CD28: variants seen among roughly 807,000 people sequenced by gnomAD.
CD28 encodes the protein CD28 molecule.
In CD28, 8 loss-of-function variants were observed where a neutral mutation model predicts 21.4. The ratio of observed to expected loss-of-function variants is 0.37; its 90% CI spans 0.22 to 0.68. CD28 has a LOEUF of 0.68. CD28 is among the 30% of genes least tolerant of loss of function. The pLI, the probability that CD28 is intolerant of heterozygous loss-of-function variation, is 0.55. For synonymous variants in CD28, 106 were observed against 104.0 expected, an observed-to-expected ratio of 1.02 and a Z score of -0.12; for missense variants, 239 against 272.2, an observed-to-expected ratio of 0.88 and a Z score of 0.86.
At chr2:203,706,861 T>A in intron 1 of CD28, 113 bp downstream of exon 1, 1 of 804,866 alleles carries the variant, frequency 1.2e-6, no homozygotes, top group Middle Eastern at 2.4e-4. Flanking sequence ...GAAGTGTAGT[T>A]TTGCTGTAAT....
rs756451764 is a variant in CD28, at chr2:203,726,843, G to C, written c.263G>C (p.Gly88Ala). The stretch of plus-strand genomic sequence containing the variant: ...TCAAAAACGGGGTTCAACTGTGATG[G>C]GAAATTGGGCAATGAATCAGTGACA... ...VYSKTGFNCDGKLGNESVTFY... is the reference protein window; with the variant it reads ...VYSKTGFNCDAKLGNESVTFY... The change falls in exon 2 of 4, where the codon GGG (glycine) becomes GCG (alanine). Residue 88 changes from glycine (G) to alanine (A), a missense_variant. Gly to Ala is a moderately conservative substitution (Grantham distance 60, BLOSUM62 0). Coordinates refer to ENST00000324106, the MANE Select transcript of CD28 (RefSeq NM_006139.4). 1.9e-5 allele frequency: 31 copies of C among 1,614,120 alleles called. No homozygotes were observed. The highest frequency in any genetic ancestry group is 1.8e-4 in the Admixed American group (11 of 60,014).
intron 1 of CD28, among the ~76,000 whole-genome samples, chr2:203,723,708 C>T (rs1032749216): frequency 2.0e-5 from 3 of 152,100 alleles, no homozygotes; most frequent in Admixed American, 6.6e-5. Context: ...TTCACGTCCA[C>T]CAGGATGGCT....
chr2:203,736,701 C>T lies in CD28; in HGVS notation c.*1789C>T, dbSNP rs202236030. 2.6e-5 allele frequency: 4 copies of T among 152,272 alleles called. No individual in the cohort carries two copies. The South Asian group carries it at 8.3e-4, about 32-fold the overall frequency. The allele number at this position is 152,272 out of a possible 1,614,324, so 9.4% of individuals were successfully genotyped here. A position where few individuals can be genotyped will look rare whatever the true frequency, so the allele number is the denominator to read the frequency against. Reference sequence around the variant, plus strand: ...TGAAGGAGCTTAGGTTTTAGAGGCACGTAGACTTGGTTCAAGTCTCGTTAG... The same window carrying T: ...TGAAGGAGCTTAGGTTTTAGAGGCATGTAGACTTGGTTCAAGTCTCGTTAG... On this transcript the variant is annotated 3_prime_UTR_variant, in exon 4 of 4. Transcript: ENST00000324106.
At position 203,737,942 on chromosome 2, in the gene CD28, T is replaced by C. The variant is rs1694080665; in HGVS notation, c.*3030T>C. The C allele has an allele frequency of 6.6e-6, 1 of 152,464 alleles. No homozygotes were observed. Among genetic ancestry groups the C allele is most frequent in the African/African-American group, 2.4e-5 (1 of 41,592 alleles). 9.4% of individuals were successfully genotyped at this position (152,464 alleles called of 1,614,324 possible). A position where few individuals can be genotyped will look rare whatever the true frequency, so the allele number is the denominator to read the frequency against. On this transcript the variant is annotated 3_prime_UTR_variant, in exon 4 of 4. Coordinates refer to ENST00000324106, the MANE Select transcript of CD28 (RefSeq NM_006139.4). ...GGCAAGGAATTTGGATAGAACTTGC[T>C]ATTTAAAAGAGGTGTGGGGTAAATC...
rs995631183 is a variant in CD28 at position 203,727,137 on chromosome 2, T to C, written c.409+148T>C. ...CAAATAATGTTTTCAGAAAAATTTT[T>C]CCCTTTACTGTAGAGGAGATTCAAG... On this transcript the variant is annotated intron_variant, in intron 2 of 3. Coordinates refer to ENST00000324106, the MANE Select transcript of CD28 (RefSeq NM_006139.4). 3 of 621,300 alleles carry C rather than the reference T, an allele frequency of 4.8e-6. No homozygotes were observed. The African/African-American group carries it at 5.6e-5, about 11-fold the overall frequency. 38.5% of individuals were successfully genotyped at this position (621,300 alleles called of 1,614,324 possible).
intron 1 of CD28, among the ~76,000 whole-genome samples, chr2:203,723,007 T>C (rs776259143): frequency 1.3e-5 from 2 of 152,178 alleles, no homozygotes; most frequent in East Asian, 1.9e-4. Flanking sequence ...AAAATATGAA[T>C]GGATGCCTGG....
Position 203,735,020 on chromosome 2 carries a change from G to C in CD28, c.*108G>C, listed in dbSNP as rs1693995135. 7.2e-7 allele frequency: 1 copy of C among 1,393,106 alleles called. No individual in the cohort carries two copies. The highest frequency in any genetic ancestry group is 1.4e-5 in the African/African-American group (1 of 69,314). 86.3% of individuals were successfully genotyped at this position (1,393,106 alleles called of 1,614,324 possible). ...CTCCAGCCGGCCACCTCAGGCCCCT[G>C]TTGGGCCACCAATGCCAATTTTTCT... On this transcript the variant is annotated 3_prime_UTR_variant, in exon 4 of 4. Transcript: ENST00000324106.
chr2:203,724,752 C>A (rs144440821), intron 1 of CD28, among the ~76,000 whole-genome samples: 1 of 152,156 alleles, frequency 6.6e-6, no homozygotes, highest in African/African-American at 2.4e-5. Flanking sequence ...TTCCTTCTTA[C>A]CAAAACCAAA....
chr2:203,712,837 C>T (rs1386867751), intron 1 of CD28, among the ~76,000 whole-genome samples: 4 of 152,146 alleles, frequency 2.6e-5, no homozygotes, highest in African/African-American at 9.7e-5. Context: ...TTATTTTGCA[C>T]TTATAATGTG....
chr2:203,725,841 G>T (rs1456144103), intron 1 of CD28, among the ~76,000 whole-genome samples: 2 of 148,300 alleles, frequency 1.3e-5, no homozygotes, highest in Non-Finnish European at 3.0e-5. Flanking sequence ...TCTTGCAATG[G>T]GCAATAAACA....
Position 203,738,789 on chromosome 2 carries a change from A to AT in CD28, c.*3882dup, listed in dbSNP as rs1010977814. The AT allele has an allele frequency of 4.6e-5, 7 of 151,878 alleles. No homozygotes were observed. The highest frequency in any genetic ancestry group is 3.9e-4 in the Admixed American group (6 of 15,236). The allele number at this position is 151,878 out of a possible 1,614,324, so 9.4% of individuals were successfully genotyped here. The stretch of plus-strand genomic sequence containing the variant: ...CATTTTACCATCTCTTACATTAGAC[A>AT]TTTTTCTTATTTATTTGTAGTTTAT... On this transcript the variant is annotated 3_prime_UTR_variant, in exon 4 of 4. Coordinates refer to ENST00000324106, the MANE Select transcript of CD28 (RefSeq NM_006139.4).
intron 1 of CD28, among the ~76,000 whole-genome samples, chr2:203,725,278 G>A (rs530429635): frequency 4.9e-5 from 7 of 143,586 alleles, no homozygotes; most frequent in Non-Finnish European, 7.5e-5. Context: ...CAACAAGAGC[G>A]AAACTCCGTC....
rs137973898 is a variant in CD28 at position 203,716,425 on chromosome 2, A to T, written c.52+9677A>T. On this transcript the variant is annotated intron_variant, in intron 1 of 3. Coordinates refer to ENST00000324106, the MANE Select transcript of CD28 (RefSeq NM_006139.4). ...CTTCGGATTTCTCCTAGAATGAAAC[A>T]GCTCTGTCTTTTACATCTTCCCATC... Among the ~76,000 whole-genome samples, 17 of 152,294 alleles carry T rather than the reference A, an allele frequency of 1.1e-4. 1 individual carries two copies. The highest frequency in any genetic ancestry group is 4.1e-4 in the African/African-American group (17 of 41,570).
At chr2:203,710,766 T>C (rs1300884702) in intron 1 of CD28, among the ~76,000 whole-genome samples, 1 of 152,244 alleles carries the variant, frequency 6.6e-6, no homozygotes, top group Non-Finnish European at 1.5e-5. Flanking sequence ...TTGATGAGGA[T>C]ACGCAATTCA....
intron 2 of CD28, among the ~76,000 whole-genome samples, chr2:203,728,102 G>A (rs1393236284): frequency 1.3e-5 from 2 of 152,196 alleles, no homozygotes; most frequent in African/African-American, 4.8e-5. Flanking sequence ...AAGCCACCGC[G>A]CCCAGCCCGT....
At chr2:203,710,409 A>T (rs2106108091) in intron 1 of CD28, among the ~76,000 whole-genome samples, 1 of 152,376 alleles carries the variant, frequency 6.6e-6, no homozygotes, top group Non-Finnish European at 1.5e-5. Context: ...GGAATGAGTC[A>T]TTGCCACAGA....
Position 203,726,825 on chromosome 2 carries a change from C to A in CD28, c.245C>A (p.Thr82Lys). The A allele has an allele frequency of 6.2e-7, 1 of 1,614,150 alleles. No individual in the cohort carries two copies. Among genetic ancestry groups the A allele is most frequent in the Non-Finnish European group, 8.5e-7 (1 of 1,180,024 alleles). ...YSQQLQVYSK[T>K]GFNCDGKLGN... is the part of the protein sequence containing the mutation. ...CAGCAGCTTCAGGTTTACTCAAAAA[C>A]GGGGTTCAACTGTGATGGGAAATTG... is the stretch of plus-strand genomic sequence containing the variant. Residue 82 changes from threonine to lysine, a missense_variant, in exon 2 of 4, where the codon ACG becomes AAG. Thr to Lys is a moderately conservative substitution (Grantham distance 78). Around this residue, in one of 3 missense-constraint regions of CD28, gnomAD observed 104 missense variants for 108.5 expected, o/e 0.96. Transcript: ENST00000324106.
At chr2:203,725,183 G>A (rs1346774608) in intron 1 of CD28, among the ~76,000 whole-genome samples, 1 of 151,980 alleles carries the variant, frequency 6.6e-6, no homozygotes. Context: ...CCAGCTACTC[G>A]GGAGGCTGAG....
In CD28 at chr2:203,727,627, C is replaced by G. The variant is rs765079334; in HGVS notation, c.409+638C>G. Among the ~76,000 whole-genome samples the G allele has an allele frequency of 6.8e-5, 10 of 147,896 alleles. No individual in the cohort carries two copies. The East Asian group carries it at 2.0e-3, about 29-fold the overall frequency. On this transcript the variant is annotated intron_variant, in intron 2 of 3. Transcript: ENST00000324106. The stretch of plus-strand genomic sequence containing the variant: ...CCCGATCAGCTGGGACTACAGGGCC[C>G]GCCACCACGCCTGGCTTATTTTTTG...
Sources: gnomAD v4.1 joint callset for allele counts (sites outside exome capture counted in the v4.1 genomes callset) on GRCh38, gnomAD v4.1.1 for gene constraint, gnomAD v4.1.1 regional missense constraint, MANE v1.5 for transcripts, NCBI Gene and HGNC (gene_info 2026-07-23, HGNC 2026-07-21) for gene names.